The following RNF44 variants were observed in gnomAD, a reference collection of about 807,000 sequenced individuals.
RNF44 encodes the protein ring finger protein 44.
Under a neutral mutation model 53.6 loss-of-function variants are expected in RNF44, and 25 were observed. The observed-to-expected ratio is 0.47, with a 90% CI of 0.34 to 0.65. The LOEUF (loss-of-function observed/expected upper bound fraction) is 0.65, where lower values mean the gene tolerates loss of function less well. Among genes scored for constraint, RNF44 ranks in the 30% least tolerant of loss-of-function variants. The probability of loss-of-function intolerance (pLI) is 0.01; values close to 1 mark genes in which losing one functional copy is unlikely to be tolerated. For missense variants in RNF44, 581 were observed against 595.5 expected (o/e 0.98, Z 0.25); for synonymous variants, 282 against 252.2 (o/e 1.12, Z -1.12).
chr5:176,539,554 G>A (rs1162318635), upstream of RNF44, among the ~76,000 whole-genome samples: 1 of 152,166 alleles, frequency 6.6e-6, no homozygotes, highest in East Asian at 1.9e-4. Context: ...TGGGCATGGT[G>A]GCATGCACTT....
At position 176,537,117 on chromosome 5, in the gene RNF44, CCTCT is replaced by C. The variant is rs912359698; in HGVS notation, c.-226_-223del. 1.3e-5 allele frequency: 2 copies of C among 152,316 alleles called. No individual in the cohort carries two copies. Among genetic ancestry groups the C allele is most frequent in the African/African-American group, 2.4e-5 (1 of 41,448 alleles). The allele number at this position is 152,316 out of a possible 1,614,324, so 9.4% of individuals were successfully genotyped here. Reference sequence around the variant, plus strand: ...GGGGGCAGCCCGGCTCCTTCCGGGGCCTCTCTCTTTGTTGTCCGCCCGACGGCGT... The same window carrying C: ...GGGGGCAGCCCGGCTCCTTCCGGGGCCTCTTTGTTGTCCGCCCGACGGCGT... On this transcript the variant is annotated 5_prime_UTR_variant, in exon 1 of 11. Coordinates refer to ENST00000274811, the MANE Select transcript of RNF44 (RefSeq NM_014901.5).
intron 1 of RNF44, among the ~76,000 whole-genome samples, chr5:176,533,579 C>A (rs897684028): frequency 6.6e-6 from 1 of 152,192 alleles, no homozygotes; most frequent in African/African-American, 2.4e-5. Context: ...GTCTGGCATG[C>A]AGCCAGGCCC....
chr5:176,534,910 C>A (rs1757020523), intron 1 of RNF44, among the ~76,000 whole-genome samples: 1 of 152,224 alleles, frequency 6.6e-6, no homozygotes, highest in Non-Finnish European at 1.5e-5. Context: ...CTTGACTGCT[C>A]CTCTTATGTC....
the RNF44 span, among the ~76,000 whole-genome samples, chr5:176,543,161 C>T: frequency 1.3e-3 from 197 of 150,674 alleles, no homozygotes; most frequent in African/African-American, 4.7e-3. This position sits in a 1 kb window ranked among gnomAD's most constrained non-coding sequence, Gnocchi z 4.0. Flanking sequence ...GGGAAGACCC[C>T]GCGTGCGTTC....
rs561852109 is a variant in RNF44 at position 176,534,762 on chromosome 5, A to G, written c.-45+2178T>C. On this transcript the variant is annotated intron_variant, in intron 1 of 10. Transcript: ENST00000274811. ...CGGCGCCAACTTGGTGAGTCCTCCC[A>G]GCAACACTGGCAGGTCAGGACACCA... Among the ~76,000 whole-genome samples, 95 of 152,372 alleles carry G rather than the reference A, an allele frequency of 6.2e-4. 1 individual carries two copies. Among genetic ancestry groups the G allele is most frequent in the Admixed American group, 1.3e-3 (20 of 15,312 alleles).
At position 176,528,929 on chromosome 5, in the gene RNF44, G is replaced by C. The variant is rs983406388; in HGVS notation, c.*99C>G. ...TCTGGAAATGCAGGCAGGAGCGAAG[G>C]GGCAGGCCTGGGCCACTCCCTCCCC... On this transcript the variant is annotated 3_prime_UTR_variant, in exon 11 of 11. Coordinates refer to ENST00000274811, the MANE Select transcript of RNF44 (RefSeq NM_014901.5). 22 of 1,151,650 alleles carry C rather than the reference G, an allele frequency of 1.9e-5. No individual in the cohort carries two copies. The highest frequency in any genetic ancestry group is 2.2e-5 in the Non-Finnish European group (18 of 804,114). 71.3% of individuals were successfully genotyped at this position (1,151,650 alleles called of 1,614,324 possible).
chr5:176,531,436 G>C lies in RNF44; in HGVS notation c.465+27C>G. The C allele has an allele frequency of 3.9e-6, 6 of 1,540,708 alleles. No individual in the cohort carries two copies. Among genetic ancestry groups the C allele is most frequent in the Non-Finnish European group, 5.3e-6 (6 of 1,142,812 alleles). On this transcript the variant is annotated intron_variant, in intron 4 of 10. Transcript: ENST00000274811. The surrounding 1 kb of genome is among the most constrained non-coding windows in gnomAD (Gnocchi z 4.2). ...CTGTGCCTGGGGCTTGCAGCTGGTG[G>C]AGGAGGAGCTAGAAACACTCACTCA...
chr5:176,529,567 C>A lies in RNF44; in HGVS notation c.1092G>T (p.Pro364=). ...GGCTGTCCGGGTTAAAGCGGTACGACGGGAGCTGCTCTATGTCTGCTTTGG... is the reference window on the plus strand; with the variant it reads ...GGCTGTCCGGGTTAAAGCGGTACGAAGGGAGCTGCTCTATGTCTGCTTTGG... ...GLTKADIEQL[P]SYRFNPDSHQ... Residue 364 remains proline, a synonymous_variant, in exon 9 of 11, where the codon CCG becomes CCT. Coordinates refer to ENST00000274811, the MANE Select transcript of RNF44 (RefSeq NM_014901.5). The A allele has an allele frequency of 6.2e-7, 1 of 1,614,018 alleles. No individual in the cohort carries two copies. The highest frequency in any genetic ancestry group is 1.1e-5 in the South Asian group (1 of 91,082).
At position 176,530,323 on chromosome 5, in the gene RNF44, AAGTCAGCCCGGTG is replaced by A. The variant is rs1561845078; in HGVS notation, c.802-130_802-118del. 2.0e-3 allele frequency: 393 copies of A among 195,362 alleles called. 46 individuals carry two copies. Among genetic ancestry groups the A allele is most frequent in the Middle Eastern group, 8.0e-3 (5 of 626 alleles). The allele number at this position is 195,362 out of a possible 1,614,324, so 12.1% of individuals were successfully genotyped here. ...CCCAGCCGCCCCGGAGCCCAGGTGC[AAGTCAGCCCGGTG>A]GGCCTGCCTCCCAGCCGCCCCGGAG... On this transcript the variant is annotated intron_variant, in intron 6 of 10. Coordinates refer to ENST00000274811, the MANE Select transcript of RNF44 (RefSeq NM_014901.5).
At chr5:176,530,286 GTGGGCCTGCCTCCCAGC>G (rs1561844913) in intron 6 of RNF44, 80 bp from the exon 7 acceptor site, 20 of 317,120 alleles carry the variant, frequency 6.3e-5, no homozygotes, top group South Asian at 5.8e-4. Flanking sequence ...AGTCAGCCCG[GTGGGCCTGCCTCCCAGC>G]CGCCCCGGAG....
intron 1 of RNF44, among the ~76,000 whole-genome samples, chr5:176,534,632 G>C (rs934527082): frequency 6.6e-6 from 1 of 152,262 alleles, no homozygotes; most frequent in Non-Finnish European, 1.5e-5. Context: ...AGTTGTCACA[G>C]CACAGCTAGA....
chr5:176,533,439 C>T (rs1368260662), intron 1 of RNF44, among the ~76,000 whole-genome samples: 1 of 152,184 alleles, frequency 6.6e-6, no homozygotes, highest in Admixed American at 6.5e-5. Flanking sequence ...GCCCAAAGCC[C>T]CACCGTAAAG....
chr5:176,530,892 G>A lies in RNF44; in HGVS notation c.595C>T (p.Pro199Ser), dbSNP rs201402074. Residue 199 changes from proline to serine, a missense_variant, in exon 5 of 11, where the codon CCC becomes TCC. Pro to Ser is a moderately conservative substitution (Grantham distance 74, BLOSUM62 -1). Around this residue, in one of 3 missense-constraint regions of RNF44, gnomAD observed 387 missense variants for 366.0 expected, o/e 1.06. Coordinates refer to ENST00000274811, the MANE Select transcript of RNF44 (RefSeq NM_014901.5). ...APPPQPTHMAPLGQFVSLQTQ... is the reference protein window; with the variant it reads ...APPPQPTHMASLGQFVSLQTQ... ...TGCAGAGACACAAACTGCCCCAGGG[G>A]CGCCATGTGGGTGGGCTGGGGGGGT... 3.1e-4 allele frequency: 401 copies of A among 1,309,780 alleles called. No individual in the cohort carries two copies. The highest frequency in any genetic ancestry group is 3.9e-4 in the Non-Finnish European group (392 of 998,782). 81.1% of individuals were successfully genotyped at this position (1,309,780 alleles called of 1,614,324 possible). A position where few individuals can be genotyped will look rare whatever the true frequency, so the allele number is the denominator to read the frequency against.
chr5:176,534,126 G>A (rs1023166869), intron 1 of RNF44, among the ~76,000 whole-genome samples: 5 of 152,250 alleles, frequency 3.3e-5, no homozygotes, highest in African/African-American at 1.2e-4. Flanking sequence ...AGCAGAGGGT[G>A]TGGGCAGGGC....
chr5:176,534,491 G>T (rs1474386649), intron 1 of RNF44, among the ~76,000 whole-genome samples: 1 of 152,182 alleles, frequency 6.6e-6, no homozygotes, highest in Non-Finnish European at 1.5e-5. Flanking sequence ...AGCAAACAAC[G>T]GCCAAGGGAG....
chr5:176,543,460 C>T, the RNF44 span: 1 of 151,954 alleles, frequency 6.6e-6, no homozygotes, highest in African/African-American at 2.4e-5. The surrounding 1 kb of genome is among the most constrained non-coding windows in gnomAD (Gnocchi z 4.0). Flanking sequence ...GACCCCCGCC[C>T]CGGCCCCGCG....
intron 1 of RNF44, among the ~76,000 whole-genome samples, chr5:176,532,940 G>GCCTCACCCTC (rs879530659): frequency 4.6e-5 from 7 of 152,044 alleles, no homozygotes; most frequent in Admixed American, 3.9e-4. Context: ...CAGCACCCAG[G>GCCTCACCCTC]CCTCACCCTC....
Position 176,532,276 on chromosome 5 carries a change from C to G in RNF44, c.108-83G>C, listed in dbSNP as rs907298707. The G allele has an allele frequency of 1.8e-5, 28 of 1,516,322 alleles. No individual in the cohort carries two copies. The Admixed American group carries it at 4.0e-4, about 22-fold the overall frequency. 93.9% of individuals were successfully genotyped at this position (1,516,322 alleles called of 1,614,324 possible). ...AGGGAGAGAAGCCAGGGTGACTCCCCCCATGGGGAGGGAAGGCAGCTCAGG... is the reference window on the plus strand; with the variant it reads ...AGGGAGAGAAGCCAGGGTGACTCCCGCCATGGGGAGGGAAGGCAGCTCAGG... On this transcript the variant is annotated intron_variant, in intron 2 of 10. Transcript: ENST00000274811.
chr5:176,532,101 A>G lies in RNF44; in HGVS notation c.200T>C (p.Val67Ala). The G allele has an allele frequency of 6.3e-7, 1 of 1,597,026 alleles. No individual in the cohort carries two copies. The highest frequency in any genetic ancestry group is 8.5e-7 in the Non-Finnish European group (1 of 1,173,108). The change falls in exon 3 of 11, where the codon GTA becomes GCA. Residue 67 changes from valine to alanine, a missense_variant. Coordinates refer to ENST00000274811, the MANE Select transcript of RNF44 (RefSeq NM_014901.5). ...AGGAGCCGAGGCTCGGCGCTCCTCT[A>G]CGGGGAGGTGTGGAGGTCGGGACGG... ...QPPSRPPHLP[V>A]EERRASAPAG...
Sources: allele counts gnomAD v4.1 joint callset (sites outside exome capture counted in the v4.1 genomes callset), GRCh38; gene constraint gnomAD v4.1.1; regional missense constraint gnomAD v4.1.1; non-coding constraint Gnocchi (gnomAD v3.1); transcripts MANE v1.5; gene names NCBI Gene and HGNC (gene_info 2026-07-23, HGNC 2026-07-21).